Variants in CACNA1E observed in about 807,000 individuals in gnomAD.
CACNA1E encodes the protein calcium voltage-gated channel subunit alpha1 E.
In CACNA1E, 40 loss-of-function variants were observed where a neutral mutation model predicts 259.2. That is an observed-to-expected ratio of 0.15 (90% CI 0.12 to 0.20). The LOEUF (loss-of-function observed/expected upper bound fraction) is 0.20, where lower values mean the gene tolerates loss of function less well. Among genes scored for constraint, CACNA1E ranks in the 10% least tolerant of loss-of-function variants. The probability of loss-of-function intolerance (pLI) is 1.00; values close to 1 mark genes in which losing one functional copy is unlikely to be tolerated. For synonymous variants in CACNA1E, 1,104 were observed against 1,138.5 expected (o/e 0.97, Z 0.61); for missense variants, 1,874 against 3,040.1 (o/e 0.62, Z 9.02).
At chr1:181,725,250 C>A (rs113998416) in intron 17 of CACNA1E, among the ~76,000 whole-genome samples, 120 of 152,314 alleles carry the variant, frequency 7.9e-4, no homozygotes, top group African/African-American at 2.7e-3. Flanking sequence ...TGAGGGTCTT[C>A]TTATCTGCAT....
At chr1:181,424,775 G>C (rs188259600) in intron 2 of CACNA1E, among the ~76,000 whole-genome samples, 276 of 152,266 alleles carry the variant, frequency 1.8e-3, no homozygotes, top group Non-Finnish European at 3.5e-3. Flanking sequence ...CAGGCCTTGG[G>C]GGAGGACTCT....
At chr1:181,354,806 G>A (rs1370284603) in intron 1 of CACNA1E, among the ~76,000 whole-genome samples, 2 of 152,160 alleles carry the variant, frequency 1.3e-5, no homozygotes, top group African/African-American at 4.8e-5. Flanking sequence ...TGTGGAAAGG[G>A]GAAAAGAGAG....
intron 2 of CACNA1E, among the ~76,000 whole-genome samples, chr1:181,430,618 T>A (rs1019411806): frequency 1.3e-5 from 2 of 152,226 alleles, no homozygotes; most frequent in Admixed American, 1.3e-4. Flanking sequence ...CAAAGGCTGC[T>A]ATGTTGGGCC....
At chr1:181,680,889 A>C (rs1649897373) in intron 7 of CACNA1E, among the ~76,000 whole-genome samples, 1 of 152,190 alleles carries the variant, frequency 6.6e-6, no homozygotes, top group African/African-American at 2.4e-5. Context: ...CATAGGTGCT[A>C]GGTCAGAGTT....
intron 1 of CACNA1E, among the ~76,000 whole-genome samples, chr1:181,363,313 A>G (rs899454092): frequency 6.6e-6 from 1 of 152,216 alleles, no homozygotes; most frequent in African/African-American, 2.4e-5. Flanking sequence ...TGGGATGTCT[A>G]TTACTATAAT....
intron 1 of CACNA1E, among the ~76,000 whole-genome samples, chr1:181,405,935 T>C (rs1297520206): frequency 6.6e-6 from 1 of 152,212 alleles, no homozygotes; most frequent in Non-Finnish European, 1.5e-5. Context: ...TTTTTGTAAA[T>C]AAAAAATTTT....
upstream of CACNA1E, among the ~76,000 whole-genome samples, chr1:181,482,241 G>A (rs1185223470): frequency 6.6e-6 from 1 of 152,238 alleles, no homozygotes; most frequent in Admixed American, 6.5e-5. Flanking sequence ...GCGCGCAAAG[G>A]CCCCGACACC....
chr1:181,429,728 A>G (rs1288317289), intron 2 of CACNA1E, among the ~76,000 whole-genome samples: 1 of 152,202 alleles, frequency 6.6e-6, no homozygotes, highest in Non-Finnish European at 1.5e-5. Flanking sequence ...AGCCATTTAC[A>G]CAGTAAGCTG....
intron 3 of CACNA1E, among the ~76,000 whole-genome samples, chr1:181,559,248 AC>A (rs1245214875): frequency 6.6e-6 from 1 of 152,028 alleles, no homozygotes; most frequent in African/African-American, 2.4e-5. Flanking sequence ...TAGAAATTTC[AC>A]TCCACTGTGT....
chr1:181,602,253 G>C (rs1390862628), intron 6 of CACNA1E, among the ~76,000 whole-genome samples: 1 of 152,220 alleles, frequency 6.6e-6, no homozygotes, highest in African/African-American at 2.4e-5. Context: ...CTCACACACT[G>C]CTGCAAACAG....
In CACNA1E at chr1:181,364,677, A is replaced by T. The variant is rs1337951375; in HGVS notation, c.-15+46554A>T. 2.6e-5 allele frequency among the ~76,000 whole-genome samples: 4 copies of T among 152,182 alleles called. No homozygotes were observed. The East Asian group carries it at 7.7e-4, about 29-fold the overall frequency. The stretch of plus-strand genomic sequence containing the variant: ...GTGAGTAGCTGTGCCCAGGTAGTTG[A>T]TGTAGTGGCATGGAGGGGACAGAAT... On this transcript the variant is annotated intron_variant, in intron 1 of 11. Coordinates refer to the CACNA1E transcript ENST00000524607.
chr1:181,671,497 G>A (rs1013731191), intron 7 of CACNA1E, among the ~76,000 whole-genome samples: 2 of 152,160 alleles, frequency 1.3e-5, no homozygotes, highest in Admixed American at 1.3e-4. Context: ...GCAGGCTTTG[G>A]ATAGCAACTT....
At chr1:181,377,728 A>G (rs1333371663) in intron 1 of CACNA1E, among the ~76,000 whole-genome samples, 2 of 152,216 alleles carry the variant, frequency 1.3e-5, no homozygotes, top group African/African-American at 4.8e-5. Context: ...AATCTTCACA[A>G]TAACTTCTGA....
At chr1:181,724,937 G>T (rs1654758318) in intron 17 of CACNA1E, among the ~76,000 whole-genome samples, 1 of 152,338 alleles carries the variant, frequency 6.6e-6, no homozygotes, top group African/African-American at 2.4e-5. Context: ...GTGGGAGAGA[G>T]ATCAGGGCCA....
In CACNA1E at chr1:181,720,750, C is replaced by A. The variant is rs142330147; in HGVS notation, c.1884-33C>A. The A allele has an allele frequency of 4.5e-5, 59 of 1,310,558 alleles. No homozygotes were observed. In the African/African-American group the frequency reaches 7.4e-4, roughly 16 times the overall value. The allele number at this position is 1,310,558 out of a possible 1,614,324, so 81.2% of individuals were successfully genotyped here. The stretch of plus-strand genomic sequence containing the variant: ...TGGAAAACTTGGTATGTGAGATTTT[C>A]ATTTCATTATTTTCTCTAATTTTGT... On this transcript the variant is annotated intron_variant, in intron 14 of 47. Transcript: ENST00000367573.
intron 6 of CACNA1E, among the ~76,000 whole-genome samples, chr1:181,583,001 A>T (rs898489524): frequency 1.3e-5 from 2 of 151,962 alleles, no homozygotes; most frequent in Non-Finnish European, 2.9e-5. Context: ...GAGTTTACTG[A>T]AGGCCTCCTG....
Position 181,580,701 on chromosome 1 carries a change from T to C in CACNA1E, c.876T>C (p.Phe292=), listed in dbSNP as rs1468016407. ...GCCCCAATGATGGGATCACCCAGTT[T>C]GATAACATCCTTTTTGCTGTGCTGA... is the stretch of plus-strand genomic sequence containing the variant. ...WIGPNDGITQ[F]DNILFAVLTV... is the part of the protein sequence containing the mutation. The change falls in exon 6 of 48, where the codon TTT becomes TTC. Residue 292 remains phenylalanine, a synonymous_variant. Coordinates refer to ENST00000367573, the MANE Select transcript of CACNA1E (RefSeq NM_001205293.3). 1 of 1,614,062 alleles carries C rather than the reference T, an allele frequency of 6.2e-7. No homozygotes were observed. The highest frequency in any genetic ancestry group is 2.2e-5 in the East Asian group (1 of 44,888).
At chr1:181,679,828 G>C (rs1449747446) in intron 7 of CACNA1E, among the ~76,000 whole-genome samples, 1 of 152,148 alleles carries the variant, frequency 6.6e-6, no homozygotes, top group African/African-American at 2.4e-5. Context: ...TCAAAGTCCG[G>C]GTGAGGCTGA....
chr1:181,352,787 T>A (rs1199670650), intron 1 of CACNA1E, among the ~76,000 whole-genome samples: 2 of 152,226 alleles, frequency 1.3e-5, no homozygotes, highest in African/African-American at 4.8e-5. Context: ...CCTGGGGGAC[T>A]GTGCCAGTGT....
Sources: gnomAD v4.1 joint callset for allele counts (sites outside exome capture counted in the v4.1 genomes callset) on GRCh38, gnomAD v4.1.1 for gene constraint, MANE v1.5 for transcripts, NCBI Gene and HGNC (gene_info 2026-07-23, HGNC 2026-07-21) for gene names.